ZSWIM6: variants seen among roughly 807,000 people sequenced by gnomAD.
The protein encoded by ZSWIM6 is zinc finger SWIM-type containing 6.
Under a neutral mutation model 113.2 loss-of-function variants are expected in ZSWIM6, and 9 were observed. The observed-to-expected ratio is 0.08, with a 90% CI of 0.05 to 0.14. The LOEUF (loss-of-function observed/expected upper bound fraction) is 0.14. Ranked by LOEUF, ZSWIM6 falls within the 10% of genes least tolerant of loss-of-function variation. ZSWIM6 has a pLI of 1.00. For synonymous variants in ZSWIM6, 611 were observed against 606.5 expected (o/e 1.01, Z -0.11); for missense variants, 1,162 against 1,552.2 (o/e 0.75, Z 4.22).
intron 4 of ZSWIM6, among the ~76,000 whole-genome samples, chr5:61,511,576 C>T (rs2112245720): frequency 6.6e-6 from 1 of 152,188 alleles, no homozygotes; most frequent in South Asian, 2.1e-4. Flanking sequence ...GTGATTAGTG[C>T]TATTGTAAAA....
intron 1 of ZSWIM6, among the ~76,000 whole-genome samples, chr5:61,406,527 C>T (rs2112108547): frequency 6.6e-6 from 1 of 152,104 alleles, no homozygotes; most frequent in African/African-American, 2.4e-5. Flanking sequence ...TTTGTTTTAA[C>T]AATGTTTTCA....
At chr5:61,529,729 A>G (rs765157340) in intron 7 of ZSWIM6, among the ~76,000 whole-genome samples, 8 of 152,200 alleles carry the variant, frequency 5.3e-5, no homozygotes, top group Admixed American at 1.3e-4. Flanking sequence ...ATTTTTCCCT[A>G]TACAACATAA....
rs1394321757 is a variant in ZSWIM6, at chr5:61,342,797, TA to T, written c.676+9851del. Among the ~76,000 whole-genome samples, 4 of 152,254 alleles carry T rather than the reference TA, an allele frequency of 2.6e-5. No individual in the cohort carries two copies. The East Asian group carries it at 7.7e-4, about 29-fold the overall frequency. On this transcript the variant is annotated intron_variant, in intron 1 of 13. Transcript: ENST00000252744. ...GGACATACTATAATATTGATCATCTTAACCATTTTTGTGTGTGTGGTTCAGC... is the reference window on the plus strand; with the variant it reads ...GGACATACTATAATATTGATCATCTTACCATTTTTGTGTGTGTGGTTCAGC...
chr5:61,499,220 T>C (rs1410725887), intron 4 of ZSWIM6, among the ~76,000 whole-genome samples: 1 of 152,198 alleles, frequency 6.6e-6, no homozygotes, highest in Non-Finnish European at 1.5e-5. Context: ...GTATAGAGCG[T>C]AATTCTAATG....
chr5:61,354,707 A>C (rs1170973163), intron 1 of ZSWIM6, among the ~76,000 whole-genome samples: 1 of 151,970 alleles, frequency 6.6e-6, no homozygotes, highest in Non-Finnish European at 1.5e-5. Context: ...TTAGGGTCTA[A>C]TTTAAATTCA....
At chr5:61,364,264 A>G (rs1006966218) in intron 1 of ZSWIM6, among the ~76,000 whole-genome samples, 1 of 152,094 alleles carries the variant, frequency 6.6e-6, no homozygotes, top group African/African-American at 2.4e-5. Flanking sequence ...CTAGATTCAA[A>G]AGTAACATAA....
At chr5:61,423,453 CAGT>C (rs1486424299) in intron 1 of ZSWIM6, among the ~76,000 whole-genome samples, 2 of 149,954 alleles carry the variant, frequency 1.3e-5, no homozygotes, top group African/African-American at 4.9e-5. Flanking sequence ...CAACAAAAAA[CAGT>C]GGTGAAAATG....
chr5:61,411,620 A>C (rs1010358561), intron 1 of ZSWIM6, among the ~76,000 whole-genome samples: 1 of 152,182 alleles, frequency 6.6e-6, no homozygotes, highest in African/African-American at 2.4e-5. Flanking sequence ...AAACCATACA[A>C]ATTTATTTGT....
chr5:61,529,396 A>G (rs1749372237), intron 7 of ZSWIM6, among the ~76,000 whole-genome samples: 1 of 152,234 alleles, frequency 6.6e-6, no homozygotes. Flanking sequence ...CAAATTATAT[A>G]TAATCGTCTA....
chr5:61,498,414 T>C (rs987599931), intron 4 of ZSWIM6, among the ~76,000 whole-genome samples: 1 of 152,230 alleles, frequency 6.6e-6, no homozygotes, highest in Admixed American at 6.5e-5. Flanking sequence ...TCAGAGTTCT[T>C]TTCACGGCTT....
At chr5:61,420,182 C>A (rs951984285) in intron 1 of ZSWIM6, among the ~76,000 whole-genome samples, 5 of 152,230 alleles carry the variant, frequency 3.3e-5, no homozygotes, top group African/African-American at 1.2e-4. Flanking sequence ...GAGGGCATCA[C>A]ATTGAATTAA....
chr5:61,366,135 A>T (rs1428376845), intron 1 of ZSWIM6, among the ~76,000 whole-genome samples: 2 of 152,178 alleles, frequency 1.3e-5, no homozygotes, highest in Admixed American at 1.3e-4. Context: ...GCTCTCAGCG[A>T]TCTGCCCGCC....
intron 1 of ZSWIM6, among the ~76,000 whole-genome samples, chr5:61,400,096 T>C (rs1745914312): frequency 6.6e-6 from 1 of 152,192 alleles, no homozygotes; most frequent in African/African-American, 2.4e-5. Flanking sequence ...GTGTTCAGCC[T>C]TTGCTTGGCG....
chr5:61,478,128 T>C (rs962033988), intron 2 of ZSWIM6, among the ~76,000 whole-genome samples: 1 of 152,204 alleles, frequency 6.6e-6, no homozygotes, highest in Non-Finnish European at 1.5e-5. Flanking sequence ...TAATAGAACA[T>C]TCTGGTGTTG....
At chr5:61,459,456 G>T (rs559759799) in intron 1 of ZSWIM6, among the ~76,000 whole-genome samples, 138 of 152,314 alleles carry the variant, frequency 9.1e-4, no homozygotes, top group African/African-American at 3.1e-3. Flanking sequence ...TATAGTATTA[G>T]TGGAATTTTT....
chr5:61,333,042 T>G (rs1359622096), intron 1 of ZSWIM6, 94 bp downstream of exon 1: 13 of 1,047,938 alleles, frequency 1.2e-5, no homozygotes, highest in Non-Finnish European at 1.4e-5. Flanking sequence ...AGCCCCTAGT[T>G]CCGCGCGCGC....
chr5:61,462,937 G>A (rs775645881), intron 1 of ZSWIM6, among the ~76,000 whole-genome samples: 2 of 152,152 alleles, frequency 1.3e-5, no homozygotes, highest in African/African-American at 2.4e-5. Flanking sequence ...CCTGCATTCT[G>A]TTGCCTCTGA....
intron 1 of ZSWIM6, among the ~76,000 whole-genome samples, chr5:61,444,336 C>T (rs1746902954): frequency 6.6e-6 from 1 of 152,008 alleles, no homozygotes. Context: ...TTTTCTTAAT[C>T]CAGTCTATCG....
intron 1 of ZSWIM6, among the ~76,000 whole-genome samples, chr5:61,405,509 G>A (rs1030508005): frequency 7.9e-5 from 12 of 152,210 alleles, no homozygotes; most frequent in African/African-American, 2.9e-4. Flanking sequence ...AGAGGAGGAA[G>A]AAATTACAGA....
Sources: gnomAD v4.1 joint callset for allele counts (sites outside exome capture counted in the v4.1 genomes callset) on GRCh38, gnomAD v4.1.1 for gene constraint, MANE v1.5 for transcripts, NCBI Gene and HGNC (gene_info 2026-07-23, HGNC 2026-07-21) for gene names.